The following GNA12 variants were observed in gnomAD, a reference collection of about 807,000 sequenced individuals.
GNA12 encodes G protein subunit alpha 12.
A neutral mutation model predicts 26.0 loss-of-function variants in GNA12; 9 were observed. The observed-to-expected ratio is 0.35, with a 90% CI of 0.21 to 0.60. The LOEUF is 0.60. Among genes scored for constraint, GNA12 ranks in the 20% least tolerant of loss-of-function variants. GNA12 has a pLI of 0.78. For missense variants in GNA12, 405 were observed against 525.8 expected (o/e 0.77, Z 2.25); for synonymous variants, 264 against 219.6 (o/e 1.20, Z -1.79).
intron 1 of GNA12, among the ~76,000 whole-genome samples, chr7:2,796,490 C>A (rs1792682344): frequency 6.6e-6 from 1 of 152,074 alleles, no homozygotes; most frequent in Non-Finnish European, 1.5e-5. Context: ...TGAAATCTGG[C>A]AGCTCCTCTA....
intron 1 of GNA12, among the ~76,000 whole-genome samples, chr7:2,801,034 G>A: frequency 6.6e-6 from 1 of 152,058 alleles, no homozygotes; most frequent in East Asian, 1.9e-4. Context: ...CTCTGGCGAG[G>A]TCTCGGGCAA....
intron 1 of GNA12, among the ~76,000 whole-genome samples, chr7:2,816,266 C>T (rs1292450681): frequency 2.1e-5 from 3 of 145,376 alleles, no homozygotes; most frequent in Middle Eastern, 3.8e-3. Context: ...GTCTTGATCT[C>T]GCCGCCCAGG....
intron 1 of GNA12, among the ~76,000 whole-genome samples, chr7:2,832,433 C>T (rs1488160934): frequency 6.6e-6 from 1 of 152,248 alleles, no homozygotes; most frequent in Non-Finnish European, 1.5e-5. Context: ...GCAACCTCCA[C>T]TGACTGCCCC....
chr7:2,763,191 A>AAC (rs56384682), intron 2 of GNA12: 14,408 of 221,964 alleles, frequency 0.065, 569 homozygotes, highest in Admixed American at 0.1. Context: ...AAGACACCCC[A>AAC]ACACACACAC....
intron 1 of GNA12, among the ~76,000 whole-genome samples, chr7:2,818,637 C>T (rs1793270060): frequency 6.6e-6 from 1 of 152,144 alleles, no homozygotes; most frequent in South Asian, 2.1e-4. Flanking sequence ...GTGGCGTAGC[C>T]CTGTAGTCCC....
intron 2 of GNA12, among the ~76,000 whole-genome samples, chr7:2,735,687 A>G (rs950368586): frequency 6.6e-6 from 1 of 152,206 alleles, no homozygotes; most frequent in Admixed American, 6.5e-5. Context: ...AACTCATCAC[A>G]GCATTTGTAT....
chr7:2,741,444 A>C (rs1790499473), intron 2 of GNA12, among the ~76,000 whole-genome samples: 1 of 152,044 alleles, frequency 6.6e-6, no homozygotes, highest in African/African-American at 2.4e-5. Context: ...AATCTCTAAA[A>C]CCCAGCAAGT....
chr7:2,816,302 C>A (rs555240309), intron 1 of GNA12, among the ~76,000 whole-genome samples: 1 of 151,702 alleles, frequency 6.6e-6, no homozygotes, highest in Admixed American at 6.6e-5. Flanking sequence ...ACGGTCTTGG[C>A]TCACTGCGAC....
At chr7:2,817,134 C>G (rs2115490856) in intron 1 of GNA12, among the ~76,000 whole-genome samples, 1 of 152,378 alleles carries the variant, frequency 6.6e-6, no homozygotes, top group East Asian at 1.9e-4. Flanking sequence ...GAGACAGAGT[C>G]TCGCTCTATT....
chr7:2,796,316 A>G (rs764251930), intron 1 of GNA12, among the ~76,000 whole-genome samples: 4 of 152,220 alleles, frequency 2.6e-5, no homozygotes, highest in African/African-American at 9.6e-5. Flanking sequence ...TACAACAATT[A>G]TAACAATATA....
At chr7:2,814,823 T>C (rs1793176385) in intron 1 of GNA12, 25 of 1,549,438 alleles carry the variant, frequency 1.6e-5, no homozygotes, top group Non-Finnish European at 2.2e-5. Flanking sequence ...GCACCCTTCC[T>C]GTGCTCCCGA....
chr7:2,785,497 C>T (rs1286635674), intron 2 of GNA12, among the ~76,000 whole-genome samples: 1 of 152,158 alleles, frequency 6.6e-6, no homozygotes, highest in African/African-American at 2.4e-5. Context: ...ATATACAGTA[C>T]CAAACCAAAA....
chr7:2,821,467 T>C (rs1793368665), intron 1 of GNA12, among the ~76,000 whole-genome samples: 2 of 152,180 alleles, frequency 1.3e-5, no homozygotes, highest in African/African-American at 4.8e-5. Context: ...GAAGAATGAA[T>C]ACAGAACTGC....
Position 2,731,629 on chromosome 7 carries a change from G to C in GNA12, c.698C>G (p.Ser233Cys), listed in dbSNP as rs1377175911. 3 of 1,613,890 alleles carry C rather than the reference G, an allele frequency of 1.9e-6. No homozygotes were observed. Among genetic ancestry groups the C allele is most frequent in the Non-Finnish European group, 2.5e-6 (3 of 1,179,964 alleles). Residue 233 changes from serine to cysteine, a missense_variant, in exon 4 of 4, where the codon TCC becomes TGC. Ser to Cys is a moderately radical substitution (Grantham distance 112). Coordinates refer to ENST00000275364, the MANE Select transcript of GNA12 (RefSeq NM_007353.3). This position sits in a 1 kb window ranked among gnomAD's most constrained non-coding sequence, Gnocchi z 6.0. ...FKMVDVGGQR[S>C]QRQKWFQCFD... ...GCACTGGAACCACTTCTGGCGCTGG[G>C]ACCGCTGGCCGCCCACATCCACCAT...
At chr7:2,825,255 A>C (rs1445825957) in intron 1 of GNA12, among the ~76,000 whole-genome samples, 1 of 151,298 alleles carries the variant, frequency 6.6e-6, no homozygotes, top group Non-Finnish European at 1.5e-5. Context: ...ACTGAACCTC[A>C]CTCTCTCCCC....
chr7:2,827,021 G>C (rs924172726), intron 1 of GNA12, among the ~76,000 whole-genome samples: 1 of 152,178 alleles, frequency 6.6e-6, no homozygotes, highest in Non-Finnish European at 1.5e-5. Flanking sequence ...AAACTGGTGT[G>C]GGGGAGGCAG....
At chr7:2,815,370 A>G (rs935648560) in intron 1 of GNA12, 2 of 189,812 alleles carry the variant, frequency 1.1e-5, no homozygotes, top group African/African-American at 4.8e-5. Flanking sequence ...AATCTCACGC[A>G]CGAAGACCCT....
intron 1 of GNA12, among the ~76,000 whole-genome samples, chr7:2,801,132 G>C (rs1792799355): frequency 6.6e-6 from 1 of 152,070 alleles, no homozygotes; most frequent in Non-Finnish European, 1.5e-5. Flanking sequence ...GGCTTGGATG[G>C]GGTTTCAGCC....
Position 2,783,373 on chromosome 7 carries a change from G to A in GNA12, c.525+11555C>T, listed in dbSNP as rs143335287. Among the ~76,000 whole-genome samples, 219 of 152,230 alleles carry A rather than the reference G, an allele frequency of 1.4e-3. 1 individual carries two copies. Among genetic ancestry groups the A allele is most frequent in the African/African-American group, 5.1e-3 (212 of 41,524 alleles). On this transcript the variant is annotated intron_variant, in intron 2 of 3. Coordinates refer to ENST00000275364, the MANE Select transcript of GNA12 (RefSeq NM_007353.3). ...CAGGTCTCCCGGGGAGCTGGCCCAT[G>A]GGTGGGATTTAGTTTGTCTCCTCCC...
Sources: gnomAD v4.1 joint callset for allele counts (sites outside exome capture counted in the v4.1 genomes callset) on GRCh38, gnomAD v4.1.1 for gene constraint, Gnocchi (gnomAD v3.1) non-coding constraint, MANE v1.5 for transcripts, NCBI Gene and HGNC (gene_info 2026-07-23, HGNC 2026-07-21) for gene names.